The following CCL4 variants were observed in gnomAD, a reference collection of about 807,000 sequenced individuals.
The protein encoded by CCL4 is C-C motif chemokine 4.
In CCL4, 8 loss-of-function variants were observed where a neutral mutation model predicts 10.3. That is an observed-to-expected ratio of 0.77 (90% CI 0.45 to 1.39). CCL4 has a LOEUF of 1.39. Ranked by LOEUF, CCL4 falls within the 40% of genes most tolerant of loss-of-function variation. The probability of loss-of-function intolerance (pLI) is 0.00; values close to 1 mark genes in which losing one functional copy is unlikely to be tolerated. For synonymous variants in CCL4, 35 were observed against 44.3 expected (o/e 0.79, Z 0.83); for missense variants, 106 against 111.2 (o/e 0.95, Z 0.21).
chr17:36,105,243 C>A lies in CCL4; in HGVS notation c.210C>A (p.Ser70Arg), dbSNP rs546176473. 2.0e-5 allele frequency: 33 copies of A among 1,613,838 alleles called. No homozygotes were observed. The highest frequency in any genetic ancestry group is 2.7e-5 in the Non-Finnish European group (32 of 1,179,848). The stretch of plus-strand genomic sequence containing the variant: ...TCTACAGATTCCAAACCAAAAGAAG[C>A]AAGCAAGTCTGTGCTGATCCCAGTG... ...QPAVVFQTKR[S>R]KQVCADPSES... Residue 70 changes from serine (S) to arginine (R), a missense_variant, in exon 3 of 3, where the codon AGC becomes AGA. Coordinates refer to ENST00000615863, the MANE Select transcript of CCL4 (RefSeq NM_002984.4).
chr17:36,104,260 C>A, intron 1 of CCL4: 1 of 703,430 alleles, frequency 1.4e-6, no homozygotes, highest in South Asian at 1.5e-5. Flanking sequence ...AAGCCCCTGT[C>A]CCTCTCTGTG....
intron 2 of CCL4, 22 bp from the exon 3 acceptor site, chr17:36,105,203 C>A: frequency 6.2e-7 from 1 of 1,606,230 alleles, no homozygotes; most frequent in South Asian, 1.1e-5. Flanking sequence ...AGATTCTAAT[C>A]TGTCCGCTCC....
At position 36,105,462 on chromosome 17, in the gene CCL4, A is replaced by T. The variant is rs2067154853; in HGVS notation, c.*150A>T. 2 of 805,384 alleles carry T rather than the reference A, an allele frequency of 2.5e-6. No individual in the cohort carries two copies. Among genetic ancestry groups the T allele is most frequent in the East Asian group, 5.3e-5 (2 of 37,902 alleles). The allele number at this position is 805,384 out of a possible 1,614,324, so 49.9% of individuals were successfully genotyped here. ...TTTTTATGTGCCGTGTTATTGTATTAGGTGTCATTTCCATTATTTATATTA... is the reference window on the plus strand; with the variant it reads ...TTTTTATGTGCCGTGTTATTGTATTTGGTGTCATTTCCATTATTTATATTA... On this transcript the variant is annotated 3_prime_UTR_variant, in exon 3 of 3. Transcript: ENST00000615863.
chr17:36,105,185 G>T lies in CCL4; in HGVS notation c.192-40G>T, dbSNP rs371146097. On this transcript the variant is annotated intron_variant, in intron 2 of 2. Transcript: ENST00000615863. ...AGGATAAAGCCAGATGACCTCAAAG[G>T]TCTCATGAGATTCTAATCTGTCCGC... is the stretch of plus-strand genomic sequence containing the variant. The T allele has an allele frequency of 4.4e-6, 7 of 1,585,506 alleles. No individual in the cohort carries two copies. The South Asian group carries it at 6.6e-5, about 15-fold the overall frequency.
chr17:36,105,289 G>A lies in CCL4; in HGVS notation c.256G>A (p.Val86Met), dbSNP rs374631046. ...CAGTGAATCCTGGGTCCAGGAGTAC[G>A]TGTATGACCTGGAACTGAACTGAGC... is the stretch of plus-strand genomic sequence containing the variant. ...DPSESWVQEYVYDLELN is the reference protein window; with the variant it reads ...DPSESWVQEYMYDLELN Residue 86 changes from valine to methionine, a missense_variant, in exon 3 of 3, where the codon GTG (valine) becomes ATG (methionine). Coordinates refer to ENST00000615863, the MANE Select transcript of CCL4 (RefSeq NM_002984.4). The A allele has an allele frequency of 4.6e-5, 74 of 1,613,936 alleles. 1 individual carries two copies. Among genetic ancestry groups the A allele is most frequent in the Non-Finnish European group, 5.8e-5 (68 of 1,179,906 alleles).
Position 36,104,305 on chromosome 17 carries a change from C to T in CCL4, c.77-223C>T, listed in dbSNP as rs994399762. On this transcript the variant is annotated intron_variant, in intron 1 of 2. Coordinates refer to ENST00000615863, the MANE Select transcript of CCL4 (RefSeq NM_002984.4). ...CCCCATCTGTCATATGAAGGGAGTG[C>T]GATGTGTTCTGAGACTGAATCCAGT... 299 of 708,428 alleles carry T rather than the reference C, an allele frequency of 4.2e-4. No individual in the cohort carries two copies. In the Admixed American group the frequency reaches 5.5e-3, roughly 13 times the overall value. 43.9% of individuals were successfully genotyped at this position (708,428 alleles called of 1,614,324 possible).
chr17:36,105,178 C>T (rs1436193588), intron 2 of CCL4, 47 bp from the exon 3 acceptor site: 1 of 1,576,446 alleles, frequency 6.3e-7, no homozygotes, highest in Admixed American at 1.7e-5. Flanking sequence ...GCCAGATGAC[C>T]TCAAAGGTCT....
rs149488954 is a variant in CCL4 at position 36,103,920 on chromosome 17, G to C, written c.15G>C (p.Val5=). 95 of 1,613,998 alleles carry C rather than the reference G, an allele frequency of 5.9e-5. No homozygotes were observed. The African/African-American group carries it at 1.1e-3, about 19-fold the overall frequency. MKLC[V]TVLSLLMLVA... is the part of the protein sequence containing the mutation. ...CCACCAATACCATGAAGCTCTGCGTGACTGTCCTGTCTCTCCTCATGCTAG... is the reference window on the plus strand; with the variant it reads ...CCACCAATACCATGAAGCTCTGCGTCACTGTCCTGTCTCTCCTCATGCTAG... Residue 5 remains valine (V), a synonymous_variant, in exon 1 of 3, where the codon GTG becomes GTC. Transcript: ENST00000615863.
chr17:36,104,238 A>G (rs949571578), intron 1 of CCL4: 21 of 706,406 alleles, frequency 3.0e-5, no homozygotes, highest in Non-Finnish European at 4.4e-5. Context: ...GCCTTTAATT[A>G]TTTGTTCAAG....
At chr17:36,104,103 T>C in intron 1 of CCL4, 122 bp downstream of exon 1, 5 of 1,081,568 alleles carry the variant, frequency 4.6e-6, no homozygotes, top group Non-Finnish European at 7.2e-6. Context: ...AAGATTGCCA[T>C]GTAGTCTGCT....
Position 36,105,446 on chromosome 17 carries a change from GC to G in CCL4, c.*136del, listed in dbSNP as rs1226935967. 1 of 911,216 alleles carries G rather than the reference GC, an allele frequency of 1.1e-6. No homozygotes were observed. The highest frequency in any genetic ancestry group is 1.8e-6 in the Non-Finnish European group (1 of 564,806). 56.4% of individuals were successfully genotyped at this position (911,216 alleles called of 1,614,324 possible). A position where few individuals can be genotyped will look rare whatever the true frequency, so the allele number is the denominator to read the frequency against. ...TCTCTTAATTTAATCTTTTTTATGT[GC>G]CGTGTTATTGTATTAGGTGTCATTT... On this transcript the variant is annotated 3_prime_UTR_variant, in exon 3 of 3. Coordinates refer to ENST00000615863, the MANE Select transcript of CCL4 (RefSeq NM_002984.4).
In CCL4 at chr17:36,105,401, T is replaced by C; in HGVS notation, c.*89T>C. On this transcript the variant is annotated 3_prime_UTR_variant, in exon 3 of 3. Coordinates refer to ENST00000615863, the MANE Select transcript of CCL4 (RefSeq NM_002984.4). ...ACATCTCCTCCATACTCAGGACTCC[T>C]CTCCGCAGTTCCTGTCCCTTCTCTT... 7.9e-7 allele frequency: 1 copy of C among 1,259,118 alleles called. No homozygotes were observed. Among genetic ancestry groups the C allele is most frequent in the South Asian group, 1.2e-5 (1 of 83,554 alleles). 78.0% of individuals were successfully genotyped at this position (1,259,118 alleles called of 1,614,324 possible).
chr17:36,104,138 T>C, intron 1 of CCL4, 157 bp downstream of exon 1: 3 of 907,680 alleles, frequency 3.3e-6, no homozygotes, highest in Non-Finnish European at 5.6e-6. Flanking sequence ...CTAGTAGATA[T>C]TCAATAACAT....
At position 36,104,509 on chromosome 17, in the gene CCL4, C is replaced by T. The variant is rs371906184; in HGVS notation, c.77-19C>T. ...GCTCCCACGGGCAGTGTTGATCTCA[C>T]CCTGGCCTTTCCTTTCAGTGGGCTC... is the stretch of plus-strand genomic sequence containing the variant. On this transcript the variant is annotated intron_variant, in intron 1 of 2. Transcript: ENST00000615863. 9 of 1,607,276 alleles carry T rather than the reference C, an allele frequency of 5.6e-6. No individual in the cohort carries two copies. Among genetic ancestry groups the T allele is most frequent in the East Asian group, 2.2e-5 (1 of 44,616 alleles).
At chr17:36,104,958 C>T in intron 2 of CCL4, 5 of 707,478 alleles carry the variant, frequency 7.1e-6, no homozygotes, top group South Asian at 1.5e-5. Context: ...GGAAAAGTCA[C>T]TGCCAGGCTG....
intron 2 of CCL4, 118 bp from the exon 3 acceptor site, chr17:36,105,107 C>T: frequency 1.9e-6 from 2 of 1,077,472 alleles, no homozygotes; most frequent in East Asian, 4.7e-5. Flanking sequence ...AGGAAGGATC[C>T]CATCCACCAG....
rs137963281 is a variant in CCL4, at chr17:36,103,876, C to A, written c.-30C>A. 3 of 1,613,344 alleles carry A rather than the reference C, an allele frequency of 1.9e-6. No homozygotes were observed. Among genetic ancestry groups the A allele is most frequent in the African/African-American group, 1.3e-5 (1 of 74,918 alleles). Reference sequence around the variant, plus strand: ...AAGCTTCTGAGTTCTGCAGCCTCACCTCTGAGAAAACCTCTTTTCCACCAA... The same window carrying A: ...AAGCTTCTGAGTTCTGCAGCCTCACATCTGAGAAAACCTCTTTTCCACCAA... On this transcript the variant is annotated 5_prime_UTR_variant, in exon 1 of 3. Coordinates refer to ENST00000615863, the MANE Select transcript of CCL4 (RefSeq NM_002984.4).
In CCL4 at chr17:36,103,861, G is replaced by T. The variant is rs749163324; in HGVS notation, c.-45G>T. The T allele has an allele frequency of 7.5e-6, 12 of 1,608,988 alleles. No individual in the cohort carries two copies. The highest frequency in any genetic ancestry group is 1.0e-5 in the Non-Finnish European group (12 of 1,175,430). On this transcript the variant is annotated 5_prime_UTR_variant, in exon 1 of 3. Transcript: ENST00000615863. Reference sequence around the variant, plus strand: ...CACAGCTGGGTTCTGAAGCTTCTGAGTTCTGCAGCCTCACCTCTGAGAAAA... The same window carrying T: ...CACAGCTGGGTTCTGAAGCTTCTGATTTCTGCAGCCTCACCTCTGAGAAAA...
Position 36,104,653 on chromosome 17 carries a change from A to G in CCL4, c.191+11A>G. 5.6e-6 allele frequency: 9 copies of G among 1,613,556 alleles called. No individual in the cohort carries two copies. The South Asian group carries it at 9.9e-5, about 18-fold the overall frequency. ...CCAGCCAGCTGTGGTGTGAGTATCA[A>G]CCCCTGGGCTGCCCTGGGAGGCAAG... On this transcript the variant is annotated intron_variant, in intron 2 of 2. Transcript: ENST00000615863.
Sources: allele counts gnomAD v4.1 joint callset, GRCh38; gene constraint gnomAD v4.1.1; transcripts MANE v1.5; gene names NCBI Gene and HGNC (gene_info 2026-07-23, HGNC 2026-07-21).